ERN2: variants seen among roughly 807,000 people sequenced by gnomAD.
ERN2 encodes the protein endoplasmic reticulum to nucleus signaling 2.
Under a neutral mutation model 107.9 loss-of-function variants are expected in ERN2, and 111 were observed. The observed-to-expected ratio is 1.03, with a 90% CI of 0.88 to 1.20. The LOEUF is 1.20. ERN2 is among the 50% of genes most tolerant of loss of function. The pLI is 0.00. For synonymous variants in ERN2, 524 were observed against 501.7 expected (o/e 1.04, Z -0.59); for missense variants, 1,225 against 1,197.9 (o/e 1.02, Z -0.33).
chr16:23,692,555 G>C (rs986451971), intron 17 of ERN2, among the ~76,000 whole-genome samples: 36 of 152,178 alleles, frequency 2.4e-4, no homozygotes, highest in Non-Finnish European at 1.0e-4. Flanking sequence ...AGCTAGTTCA[G>C]GTTTCCAAGC....
intron 9 of ERN2, 31 bp from the exon 10 acceptor site, chr16:23,702,568 G>C: frequency 6.2e-7 from 1 of 1,613,966 alleles, no homozygotes; most frequent in Non-Finnish European, 8.5e-7. Flanking sequence ...CCATGAGTGA[G>C]GGAGGTTCTT....
Position 23,692,558 on chromosome 16 carries a change from T to G in ERN2, c.2101-227A>C, listed in dbSNP as rs1959643495. On this transcript the variant is annotated intron_variant, in intron 17 of 21. Coordinates refer to ENST00000256797, the MANE Select transcript of ERN2 (RefSeq NM_033266.4). ...TTGCCCTTACTGAGCTAGTTCAGGT[T>G]TCCAAGCTTCATTCCTGCAGGGTAT... is the stretch of plus-strand genomic sequence containing the variant. 2.0e-5 allele frequency among the ~76,000 whole-genome samples: 3 copies of G among 152,154 alleles called. No homozygotes were observed. The South Asian group carries it at 6.2e-4, about 31-fold the overall frequency.
chr16:23,699,846 TG>T (rs1473160021), intron 13 of ERN2, among the ~76,000 whole-genome samples: 2 of 152,234 alleles, frequency 1.3e-5, no homozygotes. Context: ...CATTTTAACA[TG>T]AATATTAATA....
chr16:23,705,038 G>A lies in ERN2; in HGVS notation c.699C>T (p.Tyr233=). Residue 233 remains tyrosine (Y), a synonymous_variant, in exon 8 of 22, where the codon TAC becomes TAT. Coordinates refer to ENST00000256797, the MANE Select transcript of ERN2 (RefSeq NM_033266.4). ...GGCGCAGGCCGTCCTGGTGCCAGGT[G>A]TAGACGCCCATCACAGGCACGCCCA... ...QDLGVPVMGV[Y]TWHQDGLRQL... The A allele has an allele frequency of 6.2e-7, 1 of 1,613,918 alleles. No homozygotes were observed. Among genetic ancestry groups the A allele is most frequent in the Non-Finnish European group, 8.5e-7 (1 of 1,180,016 alleles).
In ERN2 at chr16:23,700,635, G is replaced by A. The variant is rs990584306; in HGVS notation, c.1429C>T (p.Gln477Ter). The stretch of plus-strand genomic sequence containing the variant: ...CCCGAGTGCAGGGACTGGGCATCCT[G>A]GGAGATGTGAGCAAAGTCTGCAGGT... ...LAPADFAHISQDAQSLHSGAS... is the reference protein window; with the variant it reads ...LAPADFAHIS Residue 477 changes from glutamine to a stop codon, truncating the protein, a stop_gained, in exon 13 of 22, where the codon CAG (glutamine) becomes TAG (stop). Coordinates refer to ENST00000256797, the MANE Select transcript of ERN2 (RefSeq NM_033266.4). LOFTEE classifies it high-confidence loss of function. The A allele has an allele frequency of 1.2e-6, 2 of 1,614,014 alleles. No homozygotes were observed. The highest frequency in any genetic ancestry group is 2.7e-5 in the African/African-American group (2 of 74,928).
intron 20 of ERN2, 50 bp downstream of exon 20, chr16:23,691,252 C>T (rs1265719032): frequency 6.2e-7 from 1 of 1,612,506 alleles, no homozygotes; most frequent in Non-Finnish European, 8.5e-7. Flanking sequence ...CCTCCACCGC[C>T]CAGGCCCACT....
intron 11 of ERN2, 75 bp from the exon 12 acceptor site, chr16:23,701,189 A>AC (rs1254884537): frequency 6.7e-7 from 1 of 1,486,538 alleles, no homozygotes. Flanking sequence ...ATCACCCAGC[A>AC]CAGAGCTGGG....
chr16:23,706,274 G>A, intron 7 of ERN2, 56 bp downstream of exon 7: 1 of 1,244,862 alleles, frequency 8.0e-7, no homozygotes, highest in Non-Finnish European at 1.1e-6. Flanking sequence ...GCTGTTCAGG[G>A]TTCCCTGGGT....
chr16:23,707,073 G>C lies in ERN2; in HGVS notation c.313C>G (p.Pro105Ala). ...TQKQQGLMKL[P>A]FTIPELVHAS... ...TGAACCAGCTCAGGGATGGTGAATG[G>C]CAGTTTCTAGGAGACGGAAAATTTA... The change falls in exon 5 of 22, where the codon CCA becomes GCA. Residue 105 changes from proline to alanine, a missense_variant. By Grantham distance (27) the Pro-to-Ala change is conservative. Transcript: ENST00000256797. The C allele has an allele frequency of 6.2e-7, 1 of 1,613,636 alleles. No homozygotes were observed. The highest frequency in any genetic ancestry group is 8.5e-7 in the Non-Finnish European group (1 of 1,179,502).
At position 23,706,830 on chromosome 16, in the gene ERN2, G is replaced by A. The variant is rs1443654884; in HGVS notation, c.411C>T (p.Asp137=). ...TCATCTGGGTCTCCCCTGACTCAGG[G>A]TCCACCACAAACCAGGCATCCTGCT... ...GRKQDAWFVV[D]PESGETQMTL... Residue 137 remains aspartate, a synonymous_variant, in exon 6 of 22, where the codon GAC becomes GAT. Transcript: ENST00000256797. The A allele has an allele frequency of 5.6e-6, 9 of 1,613,956 alleles. No homozygotes were observed. The highest frequency in any genetic ancestry group is 2.2e-5 in the East Asian group (1 of 44,870).
At position 23,691,027 on chromosome 16, in the gene ERN2, T is replaced by C. The variant is rs777886584; in HGVS notation, c.2585A>G (p.Glu862Gly). 3.7e-6 allele frequency: 6 copies of C among 1,613,978 alleles called. No homozygotes were observed. Among genetic ancestry groups the C allele is most frequent in the Non-Finnish European group, 5.1e-6 (6 of 1,180,018 alleles). The change falls in exon 22 of 22, where the codon GAG (glutamate) becomes GGG (glycine). Residue 862 changes from glutamate to glycine, a missense_variant. Coordinates refer to ENST00000256797, the MANE Select transcript of ERN2 (RefSeq NM_033266.4). Reference protein sequence around the residue: ...AVRNKKHHYRELPVEVRQALG... With the variant: ...AVRNKKHHYRGLPVEVRQALG... The stretch of plus-strand genomic sequence containing the variant: ...TGCCTGTCGCACCTCAACTGGGAGC[T>C]CCCTGTAGTGGTGCTTCTGTGGGTA...
Position 23,702,191 on chromosome 16 carries a change from T to A in ERN2, c.1164A>T (p.Arg388Ser). 6.2e-7 allele frequency: 1 copy of A among 1,613,954 alleles called. No individual in the cohort carries two copies. Among genetic ancestry groups the A allele is most frequent in the Non-Finnish European group, 8.5e-7 (1 of 1,180,004 alleles). The change falls in exon 11 of 22, where the codon AGA (arginine) becomes AGT (serine). Residue 388 changes from arginine (R) to serine (S), a missense_variant. Coordinates refer to ENST00000256797, the MANE Select transcript of ERN2 (RefSeq NM_033266.4). ...PTLGSGTAET[R>S]PPENTQAPAF... Reference sequence around the variant, plus strand: ...CTGGGGCCTGGGTATTCTCTGGAGGTCTTGTCTCTGCAGTTCCACTCCCCA... The same window carrying A: ...CTGGGGCCTGGGTATTCTCTGGAGGACTTGTCTCTGCAGTTCCACTCCCCA...
At chr16:23,706,272 G>A in intron 7 of ERN2, 58 bp downstream of exon 7, 3 of 1,225,520 alleles carry the variant, frequency 2.4e-6, no homozygotes, top group Middle Eastern at 2.0e-4. Flanking sequence ...ATGCTGTTCA[G>A]GGTTCCCTGG....
At chr16:23,708,315 C>T (rs967528029) in intron 4 of ERN2, among the ~76,000 whole-genome samples, 9 of 143,560 alleles carry the variant, frequency 6.3e-5, no homozygotes, top group Non-Finnish European at 1.1e-4. Context: ...GTGATTGGAT[C>T]GTGGGGCCAG....
chr16:23,712,093 T>C (rs1345172220), intron 1 of ERN2: 7 of 447,468 alleles, frequency 1.6e-5, no homozygotes, highest in Admixed American at 1.4e-4. Flanking sequence ...AAAGGCCACA[T>C]CCTGCTTCAG....
At chr16:23,705,224 G>A in intron 7 of ERN2, 77 bp from the exon 8 acceptor site, 4 of 1,509,812 alleles carry the variant, frequency 2.6e-6, no homozygotes, top group Non-Finnish European at 3.6e-6. Flanking sequence ...TCTGGGTGAG[G>A]GGTCAGTCTG....
intron 4 of ERN2, 52 bp from the exon 5 acceptor site, chr16:23,707,131 T>G: frequency 7.8e-7 from 1 of 1,287,246 alleles, no homozygotes; most frequent in Non-Finnish European, 1.1e-6. Flanking sequence ...CACACAGTGC[T>G]CACTGTGCCA....
intron 7 of ERN2, among the ~76,000 whole-genome samples, chr16:23,705,954 C>T (rs1254891037): frequency 2.0e-5 from 3 of 151,932 alleles, no homozygotes; most frequent in South Asian, 2.1e-4. Flanking sequence ...CCTGGGGAGT[C>T]GGTCTATGGA....
At chr16:23,700,078 C>T (rs1959982064) in intron 13 of ERN2, among the ~76,000 whole-genome samples, 1 of 152,188 alleles carries the variant, frequency 6.6e-6, no homozygotes, top group African/African-American at 2.4e-5. Flanking sequence ...CCTGTAATCC[C>T]AGCACTTTGG....
Sources: allele counts gnomAD v4.1 joint callset (sites outside exome capture counted in the v4.1 genomes callset), GRCh38; gene constraint gnomAD v4.1.1; transcripts MANE v1.5; gene names NCBI Gene and HGNC (gene_info 2026-07-23, HGNC 2026-07-21).